The following ADRA1B variants were observed in gnomAD, a reference collection of about 807,000 sequenced individuals.
The protein encoded by ADRA1B is alpha-1B adrenergic receptor.
Under a neutral mutation model 17.9 loss-of-function variants are expected in ADRA1B, and 17 were observed. The ratio of observed to expected loss-of-function variants is 0.95; its 90% CI spans 0.65 to 1.42. The LOEUF is 1.42. Among genes scored for constraint, ADRA1B ranks in the 40% most tolerant of loss-of-function variants. The pLI, the probability that ADRA1B is intolerant of heterozygous loss-of-function variation, is 0.00. For missense variants in ADRA1B, 681 were observed against 722.1 expected (o/e 0.94, Z 0.65); for synonymous variants, 366 against 327.6 (o/e 1.12, Z -1.27).
At chr5:159,922,120 A>G (rs962617714) in intron 1 of ADRA1B, among the ~76,000 whole-genome samples, 4 of 152,208 alleles carry the variant, frequency 2.6e-5, no homozygotes, top group Non-Finnish European at 5.9e-5. Flanking sequence ...TATCAAGCCA[A>G]AAACAAACAT....
intron 1 of ADRA1B, among the ~76,000 whole-genome samples, chr5:159,909,406 C>G (rs949504618): frequency 6.6e-6 from 1 of 152,122 alleles, no homozygotes; most frequent in Non-Finnish European, 1.5e-5. Flanking sequence ...TTTGGATGAC[C>G]CCAAGGAAAA....
chr5:159,895,562 CT>C (rs2113110607), intron 1 of ADRA1B, among the ~76,000 whole-genome samples: 1 of 152,306 alleles, frequency 6.6e-6, no homozygotes, highest in African/African-American at 2.4e-5. Context: ...CCCACTCTTT[CT>C]TAAGATCATT....
chr5:159,930,356 G>A (rs1754767162), intron 1 of ADRA1B, among the ~76,000 whole-genome samples: 1 of 152,212 alleles, frequency 6.6e-6, no homozygotes, highest in South Asian at 2.1e-4. Context: ...TAGGCCGGGC[G>A]CGGTGGCTCA....
chr5:159,906,308 A>T (rs975472678), intron 1 of ADRA1B, among the ~76,000 whole-genome samples: 1 of 152,202 alleles, frequency 6.6e-6, no homozygotes, highest in African/African-American at 2.4e-5. Flanking sequence ...CAAGTTATGC[A>T]TATAAGAACC....
chr5:159,891,646 C>T (rs923252138), intron 1 of ADRA1B, among the ~76,000 whole-genome samples: 4 of 152,118 alleles, frequency 2.6e-5, no homozygotes, highest in East Asian at 1.9e-4. Context: ...TTTTAACCCT[C>T]GGGCAAAGCA....
chr5:159,954,575 G>T (rs971374452), intron 1 of ADRA1B, among the ~76,000 whole-genome samples: 1 of 152,112 alleles, frequency 6.6e-6, no homozygotes, highest in Non-Finnish European at 1.5e-5. Flanking sequence ...CCTCTGTGTG[G>T]TGCAAATAGA....
At chr5:159,945,309 G>A (rs928767555) in intron 1 of ADRA1B, among the ~76,000 whole-genome samples, 1 of 152,006 alleles carries the variant, frequency 6.6e-6, no homozygotes, top group South Asian at 2.1e-4. Context: ...CCCAGATTGC[G>A]CCATTGCACT....
At chr5:159,874,948 G>A (rs952650790) in intron 1 of ADRA1B, among the ~76,000 whole-genome samples, 4 of 152,172 alleles carry the variant, frequency 2.6e-5, no homozygotes, top group Admixed American at 6.5e-5. Context: ...CATTTATTGG[G>A]CTAAATGAGA....
At chr5:159,904,734 A>C (rs1201722853) in intron 1 of ADRA1B, among the ~76,000 whole-genome samples, 1 of 152,248 alleles carries the variant, frequency 6.6e-6, no homozygotes, top group Non-Finnish European at 1.5e-5. Context: ...AAGTCTCCTG[A>C]AGTGTTGTTT....
chr5:159,981,928 A>C, the ADRA1B span, among the ~76,000 whole-genome samples: 2 of 152,138 alleles, frequency 1.3e-5, no homozygotes, highest in African/African-American at 4.8e-5. Flanking sequence ...CACTCCTGTC[A>C]TTAAGAGGTG....
chr5:159,911,921 GC>G (rs1203416461), upstream of ADRA1B, among the ~76,000 whole-genome samples: 10 of 152,130 alleles, frequency 6.6e-5, no homozygotes, highest in African/African-American at 2.2e-4. Context: ...GTGTATTTCA[GC>G]TGTGCCACTT....
rs979290569 is a variant in ADRA1B, at chr5:159,923,268, A to C, written c.949+5414A>C. Among the ~76,000 whole-genome samples, 3 of 152,396 alleles carry C rather than the reference A, an allele frequency of 2.0e-5. No homozygotes were observed. The South Asian group carries it at 6.2e-4, about 32-fold the overall frequency. ...GTGTTGGTCACTACAGCAGGGTTCG[A>C]AGCAGATGAAAGATACTGTCTGAAT... On this transcript the variant is annotated intron_variant, in intron 1 of 1. Coordinates refer to ENST00000306675, the MANE Select transcript of ADRA1B (RefSeq NM_000679.4).
chr5:159,912,526 A>G (rs1019920), upstream of ADRA1B, among the ~76,000 whole-genome samples: 1 of 152,014 alleles, frequency 6.6e-6, no homozygotes, highest in Non-Finnish European at 1.5e-5. Context: ...CTGCCTTACT[A>G]AGGAGCCTGG....
chr5:159,870,645 G>A lies in ADRA1B; in HGVS notation c.-256+5439G>A, dbSNP rs142944595. The A allele has an allele frequency of 7.1e-4, 108 of 152,312 alleles. 1 individual carries two copies. The highest frequency in any genetic ancestry group is 2.5e-3 in the African/African-American group (103 of 41,560). 9.4% of individuals were successfully genotyped at this position (152,312 alleles called of 1,614,324 possible). A position where few individuals can be genotyped will look rare whatever the true frequency, so the allele number is the denominator to read the frequency against. On this transcript the variant is annotated intron_variant, in intron 1 of 2. Coordinates refer to the ADRA1B transcript ENST00000641205. ...GAAGTTAGAAATTCAGCACCAATCCGGGTGTGAAGGGAGAAGTTGTTGGAA... is the reference window on the plus strand; with the variant it reads ...GAAGTTAGAAATTCAGCACCAATCCAGGTGTGAAGGGAGAAGTTGTTGGAA...
At chr5:159,937,485 A>G (rs187316877) in intron 1 of ADRA1B, among the ~76,000 whole-genome samples, 2 of 149,854 alleles carry the variant, frequency 1.3e-5, no homozygotes, top group East Asian at 2.0e-4. Context: ...GAGTCTCACC[A>G]TGTTGCTCAG....
chr5:159,986,282 A>T, the ADRA1B span, among the ~76,000 whole-genome samples: 1 of 152,240 alleles, frequency 6.6e-6, no homozygotes, highest in Non-Finnish European at 1.5e-5. Context: ...TTGTAGAGAC[A>T]GAGCCCCACT....
chr5:159,916,790 G>A lies in ADRA1B; in HGVS notation c.-116G>A, dbSNP rs915327983. The A allele has an allele frequency of 5.9e-6, 6 of 1,023,358 alleles. No homozygotes were observed. The highest frequency in any genetic ancestry group is 7.1e-6 in the Non-Finnish European group (5 of 706,076). The allele number at this position is 1,023,358 out of a possible 1,614,324, so 63.4% of individuals were successfully genotyped here. ...CGGGGGAGATGACTCCTCGCCAGGA[G>A]GGCGCCTCTGGGAAGAAGACCACGG... On this transcript the variant is annotated 5_prime_UTR_variant, in exon 1 of 2. Transcript: ENST00000306675.
In ADRA1B at chr5:159,867,279, T is replaced by C. The variant is rs534753530; in HGVS notation, c.-256+2073T>C. 2.6e-4 allele frequency among the ~76,000 whole-genome samples: 39 copies of C among 152,312 alleles called. 1 individual carries two copies. Among genetic ancestry groups the C allele is most frequent in the African/African-American group, 8.9e-4 (37 of 41,566 alleles). ...CATTTTTCTGGTGTTGAGAATCTTT[T>C]TGTTGGCTCACTAATTCCATTCTAC... On this transcript the variant is annotated intron_variant, in intron 1 of 2. Coordinates refer to the ADRA1B transcript ENST00000641205.
Position 159,960,884 on chromosome 5 carries a change from C to T in ADRA1B, c.950-10995C>T, listed in dbSNP as rs1169347872. Among the ~76,000 whole-genome samples, 19 of 152,172 alleles carry T rather than the reference C, an allele frequency of 1.2e-4. No homozygotes were observed. The South Asian group carries it at 3.9e-3, about 32-fold the overall frequency. On this transcript the variant is annotated intron_variant, in intron 1 of 1. Transcript: ENST00000306675. ...CATGCAACACCTGCTGGCTGAGTGC[C>T]TTTCACGTGTCAGGCACTGTGCTAG... is the stretch of plus-strand genomic sequence containing the variant.
Sources: gnomAD v4.1 joint callset for allele counts (sites outside exome capture counted in the v4.1 genomes callset) on GRCh38, gnomAD v4.1.1 for gene constraint, MANE v1.5 for transcripts, NCBI Gene and HGNC (gene_info 2026-07-23, HGNC 2026-07-21) for gene names.